Variants in HDX observed in about 807,000 individuals in gnomAD.
HDX encodes the protein chromosome X open reading frame 43.
Under a neutral mutation model 45.2 loss-of-function variants are expected in HDX, and 19 were observed. The observed-to-expected ratio is 0.42, with a 90% CI of 0.29 to 0.62. The LOEUF (loss-of-function observed/expected upper bound fraction) is 0.62. Among genes scored for constraint, HDX ranks in the 20% least tolerant of loss-of-function variants. The pLI is 0.20. For missense variants in HDX, 532 were observed against 493.9 expected (o/e 1.08, Z -0.73); for synonymous variants, 188 against 172.8 (o/e 1.09, Z -0.69).
intron 5 of HDX, among the ~76,000 whole-genome samples, chrX:84,414,042 C>T (rs13441037): frequency 0.07 from 7,788 of 111,238 alleles, 325 homozygotes; most frequent in African/African-American, 0.16. Context: ...GTTTCATAGA[C>T]TTGTAGTCCT....
intron 9 of HDX, among the ~76,000 whole-genome samples, chrX:84,329,715 T>C (rs1176762869): frequency 8.9e-6 from 1 of 111,831 alleles, no homozygotes; most frequent in Non-Finnish European, 1.9e-5. Context: ...AAATAAAGTC[T>C]ATCCCAAAGG....
At chrX:84,440,423 T>A (rs2039735007) in intron 5 of HDX, 109 bp downstream of exon 5, 2 of 536,677 alleles carry the variant, frequency 3.7e-6, no homozygotes, top group East Asian at 7.1e-5. Context: ...TGTAGTCCTA[T>A]CAAGGTTCAG....
chrX:84,345,752 A>G (rs2037188814), intron 6 of HDX, among the ~76,000 whole-genome samples: 1 of 111,699 alleles, frequency 9.0e-6, no homozygotes, highest in Admixed American at 9.5e-5. Context: ...CTTATCAGCA[A>G]TGCATGAGAG....
Position 84,482,975 on chromosome X carries a change from A to T in HDX, c.-1+5049T>A, listed in dbSNP as rs570891850. On this transcript the variant is annotated intron_variant, in intron 2 of 10. Coordinates refer to ENST00000373177, the MANE Select transcript of HDX (RefSeq NM_001177479.2). ...GCCTCATGCAAGTTCAAAATCCAAT[A>T]GGGCAGTCATTAAAACTTAAAGTTC... Among the ~76,000 whole-genome samples, 8 of 112,234 alleles carry T rather than the reference A, an allele frequency of 7.1e-5. 1 individual carries two copies. In the South Asian group the frequency reaches 2.9e-3, roughly 41 times the overall value.
chrX:84,423,464 CA>C (rs2039311816), intron 5 of HDX, among the ~76,000 whole-genome samples: 1 of 61,777 alleles, frequency 1.6e-5, no homozygotes, highest in Non-Finnish European at 3.0e-5. Context: ...CCCTGATAAC[CA>C]AAACTAGACA....
Position 84,366,975 on chromosome X carries a change from A to C in HDX, c.1306-5363T>G, listed in dbSNP as rs184488695. Among the ~76,000 whole-genome samples, 564 of 111,469 alleles carry C rather than the reference A, an allele frequency of 5.1e-3. 1 individual carries two copies. Among genetic ancestry groups the C allele is most frequent in the Non-Finnish European group, 8.5e-3 (449 of 52,978 alleles). On this transcript the variant is annotated intron_variant, in intron 5 of 10. Coordinates refer to ENST00000373177, the MANE Select transcript of HDX (RefSeq NM_001177479.2). ...ATGACTAAAACACCAAAAGCAATGG[A>C]AACAAAAGCCAAAATTGACAAATGG... is the stretch of plus-strand genomic sequence containing the variant.
intron 4 of HDX, among the ~76,000 whole-genome samples, chrX:84,467,088 T>G (rs1197240752): frequency 1.8e-5 from 2 of 111,234 alleles, no homozygotes; most frequent in Non-Finnish European, 3.8e-5. Flanking sequence ...CATGCTTCTT[T>G]AAAGGGCACA....
At chrX:84,329,481 T>A (rs1371784186) in intron 9 of HDX, among the ~76,000 whole-genome samples, 1 of 111,794 alleles carries the variant, frequency 8.9e-6, no homozygotes, top group Non-Finnish European at 1.9e-5. Context: ...TTACCCAAGA[T>A]AAATGAAAAC....
chrX:84,407,937 C>T (rs1346738049), intron 5 of HDX, among the ~76,000 whole-genome samples: 1 of 111,108 alleles, frequency 9.0e-6, no homozygotes, highest in Non-Finnish European at 1.9e-5. Context: ...AGAATCTGGA[C>T]ATTAGATGTT....
chrX:84,401,649 G>A (rs777062647), intron 5 of HDX, among the ~76,000 whole-genome samples: 4 of 111,777 alleles, frequency 3.6e-5, no homozygotes, highest in African/African-American at 9.7e-5. Context: ...ACAGTGTGGC[G>A]ATTCCTCAAG....
chrX:84,493,093 T>C (rs937208559), intron 1 of HDX, among the ~76,000 whole-genome samples: 1 of 111,021 alleles, frequency 9.0e-6, no homozygotes, highest in African/African-American at 3.3e-5. Context: ...TGTATTTTAG[T>C]AGAGATGGGG....
chrX:84,339,412 T>G (rs1247540470), intron 7 of HDX, among the ~76,000 whole-genome samples: 1 of 111,777 alleles, frequency 8.9e-6, no homozygotes, highest in Admixed American at 9.5e-5. Flanking sequence ...TTGCCTTATA[T>G]TCCTATTCTC....
At chrX:84,356,638 T>C (rs1019676011) in intron 6 of HDX, among the ~76,000 whole-genome samples, 1 of 92,260 alleles carries the variant, frequency 1.1e-5, no homozygotes, top group East Asian at 3.5e-4. Context: ...TTTTTTTTTT[T>C]TTGAGATGGA....
rs377357943 is a variant in HDX, at chrX:84,321,930, C to A, written c.2032G>T (p.Val678Leu). ...ACATTTTTCTCTGACAAAGAAGATA[C>A]ACTGAATGAGGTATCATCAGGCTCC... ...SLEPDDTSFS[V>L]SSLSEKNVSE... Residue 678 changes from valine (V) to leucine (L), a missense_variant, in exon 11 of 11, where the codon GTA (valine) becomes TTA (leucine). Transcript: ENST00000373177. 9 of 1,185,100 alleles carry A rather than the reference C, an allele frequency of 7.6e-6. No homozygotes were observed. Among genetic ancestry groups the A allele is most frequent in the Non-Finnish European group, 1.0e-5 (9 of 876,518 alleles).
At chrX:84,457,584 T>C (rs1223008768) in intron 4 of HDX, among the ~76,000 whole-genome samples, 1 of 111,863 alleles carries the variant, frequency 8.9e-6, no homozygotes, top group Non-Finnish European at 1.9e-5. Context: ...ATGTAGATGG[T>C]AAGTATACTA....
chrX:84,361,640 G>A, intron 5 of HDX, 28 bp from the exon 6 acceptor site: 1 of 1,091,851 alleles, frequency 9.2e-7, no homozygotes, highest in East Asian at 3.3e-5. Flanking sequence ...AAATTGTTTT[G>A]AATTTTAAAG....
At chrX:84,444,200 T>A (rs1432784025) in intron 4 of HDX, among the ~76,000 whole-genome samples, 1 of 110,943 alleles carries the variant, frequency 9.0e-6, no homozygotes, top group Non-Finnish European at 1.9e-5. Context: ...ATTTGGGGAA[T>A]GGTCAGTTCA....
intron 5 of HDX, among the ~76,000 whole-genome samples, chrX:84,367,203 A>C (rs764585745): frequency 8.9e-6 from 1 of 112,345 alleles, no homozygotes; most frequent in East Asian, 2.8e-4. Context: ...ATAAATAAAC[A>C]CTTCTCAAAG....
At chrX:84,349,152 T>A (rs1162061573) in intron 6 of HDX, among the ~76,000 whole-genome samples, 1 of 111,113 alleles carries the variant, frequency 9.0e-6, no homozygotes, top group Non-Finnish European at 1.9e-5. Context: ...TTTCTGCTCA[T>A]GGAATTCTGC....
Sources: allele counts gnomAD v4.1 joint callset (sites outside exome capture counted in the v4.1 genomes callset), GRCh38; gene constraint gnomAD v4.1.1; transcripts MANE v1.5; gene names NCBI Gene and HGNC (gene_info 2026-07-23, HGNC 2026-07-21).